Variants in PREX2 observed in about 807,000 individuals in gnomAD.
The protein encoded by PREX2 is phosphatidylinositol 3,4,5-trisphosphate-dependent Rac exchanger 2 protein.
A neutral mutation model predicts 203.2 loss-of-function variants in PREX2; 107 were observed. The ratio of observed to expected loss-of-function variants is 0.53; its 90% CI spans 0.45 to 0.62. PREX2 has a LOEUF of 0.62. Among genes scored for constraint, PREX2 ranks in the 20% least tolerant of loss-of-function variants. PREX2 has a pLI of 0.00. For missense variants in PREX2, 1,777 were observed against 1,955.9 expected, an observed-to-expected ratio of 0.91 and a Z score of 1.72; for synonymous variants, 672 against 663.6, an observed-to-expected ratio of 1.01 and a Z score of -0.19.
At chr8:68,141,377 GC>G (rs1811227009) in intron 33 of PREX2, among the ~76,000 whole-genome samples, 1 of 152,174 alleles carries the variant, frequency 6.6e-6, no homozygotes, top group African/African-American at 2.4e-5. Flanking sequence ...AGGTGTGGGT[GC>G]CATCATGGAT....
At chr8:68,089,805 A>G (rs988500983) in intron 19 of PREX2, among the ~76,000 whole-genome samples, 1 of 152,216 alleles carries the variant, frequency 6.6e-6, no homozygotes, top group Non-Finnish European at 1.5e-5. Context: ...CAAGTTTATA[A>G]TCATTTGTAT....
chr8:67,957,296 C>T (rs944984420), intron 1 of PREX2, among the ~76,000 whole-genome samples: 1 of 120,522 alleles, frequency 8.3e-6, no homozygotes, highest in African/African-American at 3.4e-5. Context: ...CTTTATATTC[C>T]AGGTAACAAC....
intron 39 of PREX2, among the ~76,000 whole-genome samples, chr8:68,226,608 C>T (rs377302340): frequency 6.6e-6 from 1 of 152,274 alleles, no homozygotes; most frequent in South Asian, 2.1e-4. Context: ...TCTTACCATC[C>T]TCTTGATGTT....
chr8:68,162,246 A>G (rs911851921), intron 35 of PREX2, among the ~76,000 whole-genome samples: 1 of 152,200 alleles, frequency 6.6e-6, no homozygotes, highest in Admixed American at 6.5e-5. Context: ...GAACGATTTT[A>G]TACTAGTATT....
chr8:68,224,408 T>C, intron 38 of PREX2, 151 bp from the exon 39 acceptor site: 1 of 637,936 alleles, frequency 1.6e-6, no homozygotes. Flanking sequence ...ATTTTGAAAA[T>C]GCTCAGACAG....
At chr8:68,016,259 T>C (rs570937982) in intron 1 of PREX2, among the ~76,000 whole-genome samples, 8 of 152,288 alleles carry the variant, frequency 5.3e-5, no homozygotes, top group African/African-American at 1.9e-4. Context: ...CACACCAATA[T>C]TATCCATTTG....
At chr8:68,090,810 C>A in intron 20 of PREX2, 95 bp downstream of exon 20, 7 of 1,028,698 alleles carry the variant, frequency 6.8e-6, no homozygotes, top group South Asian at 4.2e-5. Context: ...TTTGTGGTTT[C>A]CAATTTTAAG....
chr8:68,069,958 GC>G, intron 13 of PREX2, 74 bp downstream of exon 13: 1 of 770,738 alleles, frequency 1.3e-6, no homozygotes, highest in Non-Finnish European at 2.1e-6. Flanking sequence ...ATATTATTCA[GC>G]CAGAACTTGT....
chr8:68,138,545 A>G (rs755472921), intron 33 of PREX2, 28 bp downstream of exon 33: 1 of 1,115,950 alleles, frequency 9.0e-7, no homozygotes, highest in Non-Finnish European at 1.3e-6. Flanking sequence ...TACAAAATTT[A>G]TTTGGCATCA....
At chr8:68,190,430 C>T (rs1035554198) in intron 35 of PREX2, among the ~76,000 whole-genome samples, 9 of 152,070 alleles carry the variant, frequency 5.9e-5, no homozygotes, top group African/African-American at 2.2e-4. Context: ...GATTATGTGC[C>T]TTGTAGCAAC....
intron 1 of PREX2, among the ~76,000 whole-genome samples, chr8:67,966,447 T>A (rs1188573812): frequency 6.6e-6 from 1 of 150,506 alleles, no homozygotes; most frequent in Non-Finnish European, 1.5e-5. Flanking sequence ...TTTTTCCAAA[T>A]AATACAGAAC....
At chr8:68,182,542 T>C (rs998469754) in intron 35 of PREX2, among the ~76,000 whole-genome samples, 1 of 152,152 alleles carries the variant, frequency 6.6e-6, no homozygotes, top group Non-Finnish European at 1.5e-5. Flanking sequence ...CTTAAAAATG[T>C]ACATAATGAT....
rs1481041738 is a variant in PREX2, at chr8:68,232,014, T to G, written c.*636T>G. On this transcript the variant is annotated 3_prime_UTR_variant, in exon 40 of 40. Transcript: ENST00000288368. The stretch of plus-strand genomic sequence containing the variant: ...CTAAGGCCTCCAGCAGGACTCACTT[T>G]CTTCTAGCTGCCTTTGGGCATCCTT... 3 of 152,232 alleles carry G rather than the reference T, an allele frequency of 2.0e-5. No homozygotes were observed. Among genetic ancestry groups the G allele is most frequent in the African/African-American group, 4.8e-5 (2 of 41,454 alleles). 9.4% of individuals were successfully genotyped at this position (152,232 alleles called of 1,614,324 possible). A position where few individuals can be genotyped will look rare whatever the true frequency, so the allele number is the denominator to read the frequency against.
intron 18 of PREX2, among the ~76,000 whole-genome samples, chr8:68,085,366 G>A (rs545323887): frequency 2.6e-5 from 4 of 152,016 alleles, no homozygotes; most frequent in African/African-American, 9.7e-5. Context: ...TAAAAAACTT[G>A]TTTGAAATAA....
At chr8:68,147,001 C>T (rs1811341366) in intron 34 of PREX2, among the ~76,000 whole-genome samples, 1 of 151,990 alleles carries the variant, frequency 6.6e-6, no homozygotes, top group African/African-American at 2.4e-5. Context: ...ATTTTGGGGT[C>T]ATAAAATGCT....
intron 39 of PREX2, among the ~76,000 whole-genome samples, chr8:68,226,709 CAT>C (rs375963313): frequency 1.3e-5 from 2 of 152,272 alleles, no homozygotes; most frequent in African/African-American, 2.4e-5. Context: ...GGACTAAAGA[CAT>C]AGTGTCCTCC....
chr8:68,143,305 C>A (rs781107469), intron 33 of PREX2, among the ~76,000 whole-genome samples: 2 of 151,998 alleles, frequency 1.3e-5, no homozygotes, highest in Non-Finnish European at 2.9e-5. Flanking sequence ...CTCATGAGAT[C>A]TGGTTGTTTA....
In PREX2 at chr8:68,133,282, C is replaced by G. The variant is rs113885109; in HGVS notation, c.3767-777C>G. ...ATAATCCAATCACTTTCCGCCCGGT[C>G]TCTTCCTCAACACCTGGGGATTACA... On this transcript the variant is annotated intron_variant, in intron 31 of 39. Transcript: ENST00000288368. 6.4e-3 allele frequency among the ~76,000 whole-genome samples: 974 copies of G among 152,266 alleles called. 12 individuals carry two copies. Among genetic ancestry groups the G allele is most frequent in the African/African-American group, 0.022 (913 of 41,550 alleles).
At chr8:67,956,647 C>A (rs1439037622) in intron 1 of PREX2, among the ~76,000 whole-genome samples, 1 of 152,152 alleles carries the variant, frequency 6.6e-6, no homozygotes, top group African/African-American at 2.4e-5. Context: ...GGGTCAGTGG[C>A]AATGAGGCAG....
Sources: gnomAD v4.1 joint callset for allele counts (sites outside exome capture counted in the v4.1 genomes callset) on GRCh38, gnomAD v4.1.1 for gene constraint, MANE v1.5 for transcripts, NCBI Gene and HGNC (gene_info 2026-07-23, HGNC 2026-07-21) for gene names.